The following NTN1 variants were observed in gnomAD, a reference collection of about 807,000 sequenced individuals.
The protein encoded by NTN1 is netrin 1, also known as netrin-1.
Under a neutral mutation model 54.2 loss-of-function variants are expected in NTN1, and 11 were observed. The observed-to-expected ratio is 0.20, with a 90% CI of 0.13 to 0.34. The LOEUF is 0.34. Ranked by LOEUF, NTN1 falls within the 10% of genes least tolerant of loss-of-function variation. The pLI is 1.00. For missense variants in NTN1, 740 were observed against 893.1 expected (o/e 0.83, Z 2.18); for synonymous variants, 371 against 382.0 (o/e 0.97, Z 0.33).
Position 9,243,781 on chromosome 17 carries a change from TG to T in NTN1, c.*3816del, listed in dbSNP as rs1906313179. ...TTAGTTGTGACCATGACGTATTGTT[TG>T]GGTCAATGTCCCTTTCCAATGCATA... is the stretch of plus-strand genomic sequence containing the variant. On this transcript the variant is annotated 3_prime_UTR_variant, in exon 7 of 7. Coordinates refer to ENST00000173229, the MANE Select transcript of NTN1 (RefSeq NM_004822.3). The T allele has an allele frequency of 6.6e-6, 1 of 152,008 alleles. No individual in the cohort carries two copies. The highest frequency in any genetic ancestry group is 2.4e-5 in the African/African-American group (1 of 41,392). The allele number at this position is 152,008 out of a possible 1,614,324, so 9.4% of individuals were successfully genotyped here. A position where few individuals can be genotyped will look rare whatever the true frequency, so the allele number is the denominator to read the frequency against.
intron 2 of NTN1, among the ~76,000 whole-genome samples, chr17:9,122,956 T>C (rs2142263062): frequency 6.6e-6 from 1 of 152,310 alleles, no homozygotes; most frequent in Admixed American, 6.5e-5. Context: ...ATTTGGACAT[T>C]TTGCTGTTTT....
At chr17:9,059,755 G>A (rs2091990179) in intron 2 of NTN1, among the ~76,000 whole-genome samples, 1 of 150,848 alleles carries the variant, frequency 6.6e-6, no homozygotes, top group Non-Finnish European at 1.5e-5. Context: ...ACAGCTTTGG[G>A]AATGTACTAA....
intron 2 of NTN1, among the ~76,000 whole-genome samples, chr17:9,043,900 T>G (rs1411999325): frequency 6.6e-6 from 1 of 152,010 alleles, no homozygotes; most frequent in Non-Finnish European, 1.5e-5. Flanking sequence ...ATTCTCTTAA[T>G]TTTTTTATCT....
At chr17:9,029,990 C>A (rs1225528280) in intron 2 of NTN1, among the ~76,000 whole-genome samples, 6 of 148,170 alleles carry the variant, frequency 4.0e-5, no homozygotes, top group Non-Finnish European at 3.0e-5. Context: ...AACTCCGTCT[C>A]AAAAAAAAAA....
At chr17:9,118,789 C>G (rs960571450) in intron 2 of NTN1, among the ~76,000 whole-genome samples, 2 of 152,220 alleles carry the variant, frequency 1.3e-5, no homozygotes, top group African/African-American at 2.4e-5. Flanking sequence ...ATAATACTCT[C>G]TAGGTCTATC....
At position 9,022,511 on chromosome 17, in the gene NTN1, C is replaced by T; in HGVS notation, c.138C>T (p.Gly46=). ...CCGATCCCTGCTCGGACGAGAACGG[C>T]CACCCGCGCCGCTGCATCCCGGACT... ...AQPDPCSDEN[G]HPRRCIPDFV... The change falls in exon 2 of 7, where the codon GGC becomes GGT. Residue 46 remains glycine, a synonymous_variant. Transcript: ENST00000173229. 1.3e-6 allele frequency: 2 copies of T among 1,546,730 alleles called. No individual in the cohort carries two copies. The highest frequency in any genetic ancestry group is 1.7e-6 in the Non-Finnish European group (2 of 1,149,786).
chr17:9,004,518 G>A, the NTN1 span, among the ~76,000 whole-genome samples: 1 of 152,208 alleles, frequency 6.6e-6, no homozygotes, highest in Admixed American at 6.5e-5. Flanking sequence ...GCTAAGTGTT[G>A]GGCACGTACG....
upstream of NTN1, among the ~76,000 whole-genome samples, chr17:9,019,172 AG>A (rs2091838188): frequency 6.6e-6 from 1 of 152,182 alleles, no homozygotes; most frequent in South Asian, 2.1e-4. Context: ...CTCCCTTCTT[AG>A]CTTTTCTTTG....
chr17:9,196,902 C>T (rs905660460), intron 5 of NTN1, among the ~76,000 whole-genome samples: 5 of 152,120 alleles, frequency 3.3e-5, no homozygotes, highest in Non-Finnish European at 5.9e-5. Flanking sequence ...TTCACACCTG[C>T]TCCCACTGGC....
upstream of NTN1, among the ~76,000 whole-genome samples, chr17:9,020,000 G>A (rs2091840503): frequency 6.6e-6 from 1 of 152,222 alleles, no homozygotes; most frequent in African/African-American, 2.4e-5. Flanking sequence ...GTCCTGCAAT[G>A]GAATGGATTT....
Position 9,023,158 on chromosome 17 carries a change from A to G in NTN1, c.785A>G (p.Glu262Gly). The part of the protein sequence containing the change: ...SRLHTFGDEN[E>G]DDSELARDSY... Reference sequence around the variant, plus strand: ...CTGCACACGTTCGGCGACGAGAACGAGGACGACTCGGAGCTGGCGCGCGAC... The same window carrying G: ...CTGCACACGTTCGGCGACGAGAACGGGGACGACTCGGAGCTGGCGCGCGAC... The change falls in exon 2 of 7, where the codon GAG becomes GGG. Residue 262 changes from glutamate (E) to glycine (G), a missense_variant. Physicochemically the swap from Glu to Gly is moderately conservative, Grantham distance 98. Transcript: ENST00000173229. The G allele has an allele frequency of 3.8e-6, 6 of 1,564,392 alleles. No individual in the cohort carries two copies. The highest frequency in any genetic ancestry group is 5.2e-6 in the Non-Finnish European group (6 of 1,152,906).
At chr17:9,078,406 G>T (rs906210299) in intron 2 of NTN1, among the ~76,000 whole-genome samples, 2 of 152,216 alleles carry the variant, frequency 1.3e-5, no homozygotes. Flanking sequence ...TGGCACAAAG[G>T]CTGGTACATC....
intron 2 of NTN1, among the ~76,000 whole-genome samples, chr17:9,091,323 A>T (rs952185722): frequency 2.0e-5 from 3 of 152,106 alleles, no homozygotes; most frequent in Admixed American, 6.6e-5. Flanking sequence ...GTAGGATCAT[A>T]GCTCACTGCA....
chr17:9,183,101 G>T, intron 5 of NTN1, 132 bp downstream of exon 5: 1 of 904,258 alleles, frequency 1.1e-6, no homozygotes, highest in South Asian at 1.4e-5. Context: ...CCGTATGAGT[G>T]GCATCCTGGG....
intron 5 of NTN1, among the ~76,000 whole-genome samples, chr17:9,213,371 C>T (rs1905152575): frequency 6.6e-6 from 1 of 152,222 alleles, no homozygotes; most frequent in South Asian, 2.1e-4. Flanking sequence ...TACCTGTGCC[C>T]TCAATCCTAG....
intron 2 of NTN1, among the ~76,000 whole-genome samples, chr17:9,091,554 A>G (rs916664386): frequency 3.3e-5 from 5 of 149,796 alleles, no homozygotes; most frequent in African/African-American, 1.2e-4. Flanking sequence ...CACGGGTTCG[A>G]GTGATTCTCC....
chr17:9,143,489 T>G (rs1012125953), intron 2 of NTN1, among the ~76,000 whole-genome samples: 3 of 150,686 alleles, frequency 2.0e-5, no homozygotes, highest in Admixed American at 2.0e-4. Flanking sequence ...GCCCTTTTGG[T>G]TTTTACATTG....
chr17:9,055,482 C>T (rs778944966), intron 2 of NTN1, among the ~76,000 whole-genome samples: 1 of 152,110 alleles, frequency 6.6e-6, no homozygotes, highest in Non-Finnish European at 1.5e-5. Context: ...CCAGGTGAGG[C>T]CTATCTGAGG....
At position 9,243,859 on chromosome 17, in the gene NTN1, T is replaced by C. The variant is rs1906316743; in HGVS notation, c.*3891T>C. 7.0e-6 allele frequency: 1 copy of C among 142,398 alleles called. No individual in the cohort carries two copies. The highest frequency in any genetic ancestry group is 1.5e-5 in the Non-Finnish European group (1 of 65,172). 8.8% of individuals were successfully genotyped at this position (142,398 alleles called of 1,614,324 possible). ...AATATATTTAATGACATGGAAAAAG[T>C]TGTGGATTTTCTTTCTTTCCTTTTT... is the stretch of plus-strand genomic sequence containing the variant. On this transcript the variant is annotated 3_prime_UTR_variant, in exon 7 of 7. Transcript: ENST00000173229.
Sources: allele counts gnomAD v4.1 joint callset (sites outside exome capture counted in the v4.1 genomes callset), GRCh38; gene constraint gnomAD v4.1.1; transcripts MANE v1.5; gene names NCBI Gene and HGNC (gene_info 2026-07-23, HGNC 2026-07-21).